The following CELF2 variants were observed in gnomAD, a reference collection of about 807,000 sequenced individuals.
CELF2 encodes the protein CUG triplet repeat RNA-binding protein 2.
Under a neutral mutation model 62.6 loss-of-function variants are expected in CELF2, and 8 were observed. That is an observed-to-expected ratio of 0.13 (90% confidence interval 0.07 to 0.23). The LOEUF (loss-of-function observed/expected upper bound fraction) is 0.23. CELF2 is among the 10% of genes least tolerant of loss of function. The pLI is 1.00. For missense variants in CELF2, 333 were observed against 671.0 expected, an observed-to-expected ratio of 0.50 and a Z score of 5.56; for synonymous variants, 258 against 250.0, an observed-to-expected ratio of 1.03 and a Z score of -0.30.
intron 1 of CELF2, among the ~76,000 whole-genome samples, chr10:10,819,333 C>T (rs1399926917): frequency 5.9e-5 from 9 of 152,156 alleles, no homozygotes; most frequent in Admixed American, 5.9e-4. Flanking sequence ...AGGTCAGACG[C>T]AGCGCTCTGG....
At chr10:11,018,534 C>T (rs1050471527) in intron 1 of CELF2, among the ~76,000 whole-genome samples, 1 of 142,242 alleles carries the variant, frequency 7.0e-6, no homozygotes, top group African/African-American at 2.6e-5. Flanking sequence ...GCAGGGTGAG[C>T]GGGGCGCGGC....
At chr10:10,651,852 A>G in the CELF2 span, among the ~76,000 whole-genome samples, 15 of 151,320 alleles carry the variant, frequency 9.9e-5, no homozygotes, top group African/African-American at 3.1e-4. Context: ...CTCACCAGCA[A>G]CGGAACAAAG....
Position 10,934,516 on chromosome 10 carries a change from A to G in CELF2, c.89+14517A>G, listed in dbSNP as rs1340054507. 2.0e-5 allele frequency: 3 copies of G among 152,284 alleles called. No homozygotes were observed. Among genetic ancestry groups the G allele is most frequent in the African/African-American group, 7.2e-5 (3 of 41,476 alleles). The allele number at this position is 152,284 out of a possible 1,614,324, so 9.4% of individuals were successfully genotyped here. A position where few individuals can be genotyped will look rare whatever the true frequency, so the allele number is the denominator to read the frequency against. On this transcript the variant is annotated intron_variant, in intron 2 of 13. Transcript: ENST00000636488. The surrounding 1 kb of genome is among the most constrained non-coding windows in gnomAD (Gnocchi z 4.4). ...AAACAAAAACGAAATAGTTGATTAC[A>G]GAAAATATTGGGGAAAACTAATCAA... is the stretch of plus-strand genomic sequence containing the variant.
chr10:10,975,829 T>C (rs2051272230), intron 2 of CELF2, among the ~76,000 whole-genome samples: 1 of 152,232 alleles, frequency 6.6e-6, no homozygotes, highest in South Asian at 2.1e-4. Context: ...AGCAATCTTT[T>C]GTTGAACAGT....
chr10:10,679,890 T>C, the CELF2 span, among the ~76,000 whole-genome samples: 3 of 152,232 alleles, frequency 2.0e-5, no homozygotes, highest in Non-Finnish European at 4.4e-5. Context: ...AATGCTTCAG[T>C]TGCTGCACTG....
At chr10:10,691,640 C>T in the CELF2 span, among the ~76,000 whole-genome samples, 8 of 151,076 alleles carry the variant, frequency 5.3e-5, no homozygotes, top group Admixed American at 5.3e-4. Flanking sequence ...AAAAGTGTTC[C>T]TATTTCTCCA....
chr10:10,829,120 C>T (rs898947208), intron 1 of CELF2, among the ~76,000 whole-genome samples: 18 of 152,204 alleles, frequency 1.2e-4, no homozygotes, highest in African/African-American at 4.3e-4. Context: ...GGTTCATTGT[C>T]ATCAATCTTA....
At position 11,335,715 on chromosome 10, in the gene CELF2, G is replaced by A. The variant is rs1292665569; in HGVS notation, c.*6662G>A. ...GGTGTGATTTCTTTTTATTAGGGAG[G>A]TGGGAGGGGGATGTTGGGAGGCATG... is the stretch of plus-strand genomic sequence containing the variant. On this transcript the variant is annotated 3_prime_UTR_variant, in exon 13 of 13. Coordinates refer to ENST00000633077, the MANE Select transcript of CELF2 (RefSeq NM_001326342.2). The surrounding 1 kb of genome is among the most constrained non-coding windows in gnomAD (Gnocchi z 5.0). 1 of 152,108 alleles carries A rather than the reference G, an allele frequency of 6.6e-6. No homozygotes were observed. Among genetic ancestry groups the A allele is most frequent in the African/African-American group, 2.4e-5 (1 of 41,408 alleles). The allele number at this position is 152,108 out of a possible 1,614,324, so 9.4% of individuals were successfully genotyped here.
rs554440002 is a variant in CELF2 at position 11,041,081 on chromosome 10, C to T, written c.74+22918C>T. On this transcript the variant is annotated intron_variant, in intron 1 of 12. Transcript: ENST00000633077. ...ACATTTGGTTCTTGGTGAGGGCTCT[C>T]TTCCTGGCTTGCAGAGGGCTGCCTT... Among the ~76,000 whole-genome samples, 5 of 152,340 alleles carry T rather than the reference C, an allele frequency of 3.3e-5. No homozygotes were observed. In the South Asian group the frequency reaches 1.0e-3, roughly 32 times the overall value.
rs1234778361 is a variant in CELF2 at position 11,159,997 on chromosome 10, C to G, written c.75-5489C>G. On this transcript the variant is annotated intron_variant, in intron 1 of 12. Coordinates refer to ENST00000633077, the MANE Select transcript of CELF2 (RefSeq NM_001326342.2). The surrounding 1 kb of genome is among the most constrained non-coding windows in gnomAD (Gnocchi z 5.0). ...GCCACTCAGCGGCCTGTCGGAGCCTCCAGGCTACTCTCCATAGTGTCAGTG... is the reference window on the plus strand; with the variant it reads ...GCCACTCAGCGGCCTGTCGGAGCCTGCAGGCTACTCTCCATAGTGTCAGTG... Among the ~76,000 whole-genome samples, 4 of 152,210 alleles carry G rather than the reference C, an allele frequency of 2.6e-5. No individual in the cohort carries two copies. Among genetic ancestry groups the G allele is most frequent in the Admixed American group, 1.3e-4 (2 of 15,292 alleles).
chr10:10,562,032 C>T, the CELF2 span, among the ~76,000 whole-genome samples: 1 of 152,226 alleles, frequency 6.6e-6, no homozygotes, highest in Non-Finnish European at 1.5e-5. Context: ...AATTCCATCA[C>T]TTACCAGAAG....
Position 11,319,714 on chromosome 10 carries a change from T to C in CELF2, c.1097-1475T>C, listed in dbSNP as rs983203955. ...CTCGCCACCCCTGCTTGGTGTCTGT[T>C]CTGAGAAGCACAGGAATACCCGAGG... On this transcript the variant is annotated intron_variant, in intron 10 of 12. Transcript: ENST00000633077. This position sits in a 1 kb window ranked among gnomAD's most constrained non-coding sequence, Gnocchi z 4.4. The C allele has an allele frequency of 2.1e-6, 1 of 465,144 alleles. No individual in the cohort carries two copies. The highest frequency in any genetic ancestry group is 4.5e-6 in the Non-Finnish European group (1 of 223,756). 28.8% of individuals were successfully genotyped at this position (465,144 alleles called of 1,614,324 possible).
chr10:11,110,908 G>A lies in CELF2; in HGVS notation c.75-54578G>A, dbSNP rs1436186857. On this transcript the variant is annotated intron_variant, in intron 1 of 12. Coordinates refer to ENST00000633077, the MANE Select transcript of CELF2 (RefSeq NM_001326342.2). The surrounding 1 kb of genome is among the most constrained non-coding windows in gnomAD (Gnocchi z 4.0). ...CCTTGGAAACGCAGCACTGCAATGA[G>A]CATTTTATTGAATTCTTTCAAAACT... Among the ~76,000 whole-genome samples the A allele has an allele frequency of 6.6e-6, 1 of 152,146 alleles. No homozygotes were observed. Among genetic ancestry groups the A allele is most frequent in the African/African-American group, 2.4e-5 (1 of 41,428 alleles).
At chr10:10,547,661 A>G in the CELF2 span, among the ~76,000 whole-genome samples, 17 of 147,460 alleles carry the variant, frequency 1.2e-4, no homozygotes, top group African/African-American at 4.4e-4. Context: ...TGTTCTTACA[A>G]CACCAAAAAG....
chr10:11,314,472 C>T lies in CELF2; in HGVS notation c.1096+214C>T, dbSNP rs928087503. 9.3e-6 allele frequency: 6 copies of T among 643,296 alleles called. No individual in the cohort carries two copies. The highest frequency in any genetic ancestry group is 8.9e-5 in the African/African-American group (5 of 56,094). 39.8% of individuals were successfully genotyped at this position (643,296 alleles called of 1,614,324 possible). ...CCACTCTCCACCCCCAGATTCTCTT[C>T]AGTGTGTAGCACAGCGCGTGTGCTC... On this transcript the variant is annotated intron_variant, in intron 10 of 12. Transcript: ENST00000633077. The surrounding 1 kb of genome is among the most constrained non-coding windows in gnomAD (Gnocchi z 5.3).
At chr10:11,134,833 A>C (rs147048157) in intron 1 of CELF2, among the ~76,000 whole-genome samples, 471 of 152,306 alleles carry the variant, frequency 3.1e-3, no homozygotes, top group Non-Finnish European at 5.8e-3. Context: ...AGGAAGTGGC[A>C]GGGAAATGCA....
At chr10:11,036,535 G>C (rs775971163) in intron 1 of CELF2, among the ~76,000 whole-genome samples, 7 of 152,180 alleles carry the variant, frequency 4.6e-5, no homozygotes, top group Non-Finnish European at 1.0e-4. Context: ...CATAAAAGTA[G>C]ACATTTCATT....
At chr10:11,137,969 T>C (rs1436053290) in intron 1 of CELF2, among the ~76,000 whole-genome samples, 1 of 152,222 alleles carries the variant, frequency 6.6e-6, no homozygotes, top group African/African-American at 2.4e-5. Context: ...CAATTTAGGA[T>C]GGTAAAAATA....
the CELF2 span, among the ~76,000 whole-genome samples, chr10:10,685,573 C>G: frequency 6.6e-6 from 1 of 152,192 alleles, no homozygotes; most frequent in Non-Finnish European, 1.5e-5. Flanking sequence ...ACACAACTAA[C>G]ACACAGGGCT....
Sources: allele counts gnomAD v4.1 joint callset (sites outside exome capture counted in the v4.1 genomes callset), GRCh38; gene constraint gnomAD v4.1.1; non-coding constraint Gnocchi (gnomAD v3.1); transcripts MANE v1.5; gene names NCBI Gene and HGNC (gene_info 2026-07-23, HGNC 2026-07-21).